Variants in PHACTR1 observed in about 807,000 individuals in gnomAD.
The protein encoded by PHACTR1 is RPEL repeat containing 1.
A neutral mutation model predicts 69.2 loss-of-function variants in PHACTR1; 16 were observed. The ratio of observed to expected loss-of-function variants is 0.23; its 90% CI spans 0.16 to 0.35. The LOEUF is 0.35. Ranked by LOEUF, PHACTR1 falls within the 10% of genes least tolerant of loss-of-function variation. PHACTR1 has a pLI of 1.00. For synonymous variants in PHACTR1, 312 were observed against 284.5 expected (o/e 1.10, Z -0.97); for missense variants, 510 against 734.7 (o/e 0.69, Z 3.54).
At chr6:12,924,067 C>G (rs1787999170) in intron 4 of PHACTR1, among the ~76,000 whole-genome samples, 1 of 152,144 alleles carries the variant, frequency 6.6e-6, no homozygotes, top group African/African-American at 2.4e-5. Context: ...CAAATACAAA[C>G]TGTGCTTTTT....
chr6:13,205,785 C>T (rs1765814512), intron 7 of PHACTR1, 30 bp from the exon 8 acceptor site: 2 of 1,548,006 alleles, frequency 1.3e-6, no homozygotes, highest in South Asian at 2.4e-5. Flanking sequence ...CCCAAACTCA[C>T]ATCTGCCTCT....
chr6:13,278,423 C>T (rs908392827), intron 12 of PHACTR1, 94 bp downstream of exon 12: 1 of 1,083,008 alleles, frequency 9.2e-7, no homozygotes, highest in Non-Finnish European at 1.4e-6. Flanking sequence ...CTCACCGCTG[C>T]CTGGTTCCTC....
Position 13,213,816 on chromosome 6 carries a change from C to G in PHACTR1, c.986+7680C>G, listed in dbSNP as rs551713017. ...GCCTTGATCTTGGACTTTCCAGCCC[C>G]GACAACTGTGAGGAAATACATTTCT... On this transcript the variant is annotated intron_variant, in intron 8 of 14. Transcript: ENST00000332995. Among the ~76,000 whole-genome samples the G allele has an allele frequency of 2.0e-5, 3 of 152,298 alleles. No homozygotes were observed. The South Asian group carries it at 6.2e-4, about 32-fold the overall frequency.
intron 4 of PHACTR1, among the ~76,000 whole-genome samples, chr6:12,827,882 AG>A (rs60464269): frequency 0.2 from 30,732 of 152,038 alleles, 3,309 homozygotes; most frequent in African/African-American, 0.28. Context: ...TGTGAGGGTG[AG>A]GGGGGGTGAA....
chr6:13,250,142 A>C (rs1340627349), intron 10 of PHACTR1, among the ~76,000 whole-genome samples: 1 of 152,186 alleles, frequency 6.6e-6, no homozygotes, highest in South Asian at 2.1e-4. Context: ...CACAAACCCA[A>C]AGTATTTACT....
At chr6:13,117,481 G>A (rs1285610651) in intron 5 of PHACTR1, among the ~76,000 whole-genome samples, 1 of 152,092 alleles carries the variant, frequency 6.6e-6, no homozygotes, top group Non-Finnish European at 1.5e-5. Flanking sequence ...TACATCCTTG[G>A]CTTGTAAAGG....
chr6:12,899,591 A>G (rs1784992835), intron 4 of PHACTR1, among the ~76,000 whole-genome samples: 3 of 152,216 alleles, frequency 2.0e-5, no homozygotes, highest in African/African-American at 7.2e-5. Context: ...GCAAGCTGCA[A>G]TTTCCAGGTA....
intron 4 of PHACTR1, among the ~76,000 whole-genome samples, chr6:13,033,142 G>T (rs1210069165): frequency 6.6e-6 from 1 of 152,064 alleles, no homozygotes; most frequent in Non-Finnish European, 1.5e-5. Flanking sequence ...GGAAGAATAC[G>T]CCAGCCAGAC....
At chr6:13,227,145 TC>T (rs1242752772) in intron 8 of PHACTR1, among the ~76,000 whole-genome samples, 1 of 152,142 alleles carries the variant, frequency 6.6e-6, no homozygotes, top group Non-Finnish European at 1.5e-5. Context: ...CTGCAAAATA[TC>T]CAGACTGGCA....
At chr6:13,267,315 G>T (rs182148) in intron 10 of PHACTR1, 1 of 152,136 alleles carries the variant, frequency 6.6e-6, no homozygotes, top group Non-Finnish European at 1.5e-5. Context: ...TTCTAAAACA[G>T]GTCTTGATAG....
intron 4 of PHACTR1, among the ~76,000 whole-genome samples, chr6:12,882,184 A>T (rs972389867): frequency 8.5e-5 from 13 of 152,188 alleles, no homozygotes; most frequent in African/African-American, 3.1e-4. Context: ...GAGTCTTCGC[A>T]TGGGAAACAG....
intron 5 of PHACTR1, among the ~76,000 whole-genome samples, chr6:13,131,111 T>G (rs1307987448): frequency 1.3e-5 from 2 of 151,822 alleles, no homozygotes; most frequent in Admixed American, 1.3e-4. Context: ...CCAGCATCCC[T>G]TTATGATCAA....
At chr6:12,890,017 G>A (rs1784024280) in intron 4 of PHACTR1, among the ~76,000 whole-genome samples, 1 of 152,042 alleles carries the variant, frequency 6.6e-6, no homozygotes, top group Admixed American at 6.5e-5. Flanking sequence ...CTGGTACTGG[G>A]CCATGGCCTG....
intron 4 of PHACTR1, among the ~76,000 whole-genome samples, chr6:12,930,378 T>A (rs141581730): frequency 6.6e-6 from 1 of 152,184 alleles, no homozygotes; most frequent in South Asian, 2.1e-4. Context: ...AGAACCTCTT[T>A]GGGGATACAT....
At chr6:13,187,252 T>C (rs1252644174) in intron 7 of PHACTR1, among the ~76,000 whole-genome samples, 1 of 152,184 alleles carries the variant, frequency 6.6e-6, no homozygotes, top group Non-Finnish European at 1.5e-5. Flanking sequence ...TGAATGCATA[T>C]ATATACGTAG....
Position 12,835,221 on chromosome 6 carries a change from T to C in PHACTR1, c.250+85431T>C, listed in dbSNP as rs572358405. ...GTCAGGTGGGGAACCTTGGGTAGGG[T>C]CACATTATAAAGACATTTCTTCCTT... On this transcript the variant is annotated intron_variant, in intron 4 of 14. Transcript: ENST00000332995. Among the ~76,000 whole-genome samples the C allele has an allele frequency of 1.5e-4, 23 of 151,974 alleles. No homozygotes were observed. In the South Asian group the frequency reaches 4.2e-3, roughly 28 times the overall value.
intron 5 of PHACTR1, among the ~76,000 whole-genome samples, chr6:13,101,676 T>A (rs1052162708): frequency 6.6e-6 from 1 of 152,222 alleles, no homozygotes; most frequent in African/African-American, 2.4e-5. Context: ...TGGTGGACAG[T>A]ATTTCACCAT....
chr6:12,895,231 G>A lies in PHACTR1; in HGVS notation c.250+145441G>A, dbSNP rs187622817. 6.8e-5 allele frequency among the ~76,000 whole-genome samples: 10 copies of A among 147,252 alleles called. No homozygotes were observed. The East Asian group carries it at 2.0e-3, about 29-fold the overall frequency. On this transcript the variant is annotated intron_variant, in intron 4 of 14. Transcript: ENST00000332995. ...AGTTTCCCTCTTGTTGCCCAGGCTG[G>A]AGTGCAATGGCATGATCTCGGCAAA...
chr6:13,070,991 TAA>T (rs11357927), intron 5 of PHACTR1, among the ~76,000 whole-genome samples: 3,070 of 149,656 alleles, frequency 0.021, 39 homozygotes, highest in African/African-American at 0.045. Context: ...CCTTAATAAT[TAA>T]AAAAAAAAAA....
Sources: gnomAD v4.1 joint callset for allele counts (sites outside exome capture counted in the v4.1 genomes callset) on GRCh38, gnomAD v4.1.1 for gene constraint, MANE v1.5 for transcripts, NCBI Gene and HGNC (gene_info 2026-07-23, HGNC 2026-07-21) for gene names.